Variants in SLC24A2 observed in about 807,000 individuals in gnomAD.
The protein encoded by SLC24A2 is solute carrier family 24 member 2, also known as sodium/potassium/calcium exchanger 2.
In SLC24A2, 36 loss-of-function variants were observed where a neutral mutation model predicts 62.0. That is an observed-to-expected ratio of 0.58 (90% CI 0.44 to 0.77). The LOEUF (loss-of-function observed/expected upper bound fraction) is 0.77, where lower values mean the gene tolerates loss of function less well. Ranked by LOEUF, SLC24A2 falls within the 30% of genes least tolerant of loss-of-function variation. SLC24A2 has a pLI of 0.00. For synonymous variants in SLC24A2, 358 were observed against 294.0 expected (o/e 1.22, Z -2.23); for missense variants, 846 against 817.9 (o/e 1.03, Z -0.42).
At chr9:20,112,663 G>A in the SLC24A2 span, among the ~76,000 whole-genome samples, 1 of 152,064 alleles carries the variant, frequency 6.6e-6, no homozygotes, top group Admixed American at 6.6e-5. Context: ...CTGCCTAGAT[G>A]GACATTCTGT....
intron 8 of SLC24A2, among the ~76,000 whole-genome samples, chr9:19,529,253 C>T (rs952330413): frequency 3.3e-5 from 5 of 152,108 alleles, no homozygotes; most frequent in Admixed American, 6.5e-5. Context: ...CTCAATTGTC[C>T]GAAAGGCTGA....
chr9:19,935,842 G>T, the SLC24A2 span, among the ~76,000 whole-genome samples: 1 of 152,158 alleles, frequency 6.6e-6, no homozygotes, highest in African/African-American at 2.4e-5. Flanking sequence ...CCCACTGACT[G>T]AAGTCAACCC....
chr9:19,678,801 G>A (rs1364376008), intron 2 of SLC24A2, among the ~76,000 whole-genome samples: 1 of 152,136 alleles, frequency 6.6e-6, no homozygotes, highest in East Asian at 1.9e-4. Flanking sequence ...GACAATAATG[G>A]GTTTCTTCTA....
At chr9:20,281,832 T>C in the SLC24A2 span, among the ~76,000 whole-genome samples, 134 of 152,314 alleles carry the variant, frequency 8.8e-4, no homozygotes, top group African/African-American at 2.0e-3. Context: ...CTGGGGAAAA[T>C]TGATATCTCT....
intron 2 of SLC24A2, among the ~76,000 whole-genome samples, chr9:19,729,628 T>C (rs1386303022): frequency 6.6e-6 from 1 of 152,038 alleles, no homozygotes; most frequent in Non-Finnish European, 1.5e-5. Flanking sequence ...AAACAGCACA[T>C]GTTCTCACGC....
the SLC24A2 span, among the ~76,000 whole-genome samples, chr9:20,264,904 C>T: frequency 1.4e-4 from 22 of 152,276 alleles, no homozygotes; most frequent in East Asian, 5.8e-4. Flanking sequence ...GAGTTCAAGA[C>T]GGCTCAGGAG....
chr9:19,690,717 G>T (rs1471661025), intron 2 of SLC24A2, among the ~76,000 whole-genome samples: 11 of 151,718 alleles, frequency 7.3e-5, no homozygotes, highest in African/African-American at 2.2e-4. Context: ...TTTCCTTTTT[G>T]CATAAATGAA....
rs1832595214 is a variant in SLC24A2, at chr9:19,508,590, T to G, written c.*7563A>C. 6.6e-6 allele frequency: 1 copy of G among 152,100 alleles called. No homozygotes were observed. Among genetic ancestry groups the G allele is most frequent in the African/African-American group, 2.4e-5 (1 of 41,410 alleles). 9.4% of individuals were successfully genotyped at this position (152,100 alleles called of 1,614,324 possible). ...GGAGGATCTCTTGAGCCCAGGAGTT[T>G]GAGACCAGCCTGGGTAACATAGTGA... is the stretch of plus-strand genomic sequence containing the variant. On this transcript the variant is annotated 3_prime_UTR_variant, in exon 11 of 11. Transcript: ENST00000341998.
chr9:19,969,156 T>C, the SLC24A2 span, among the ~76,000 whole-genome samples: 2 of 142,552 alleles, frequency 1.4e-5, no homozygotes, highest in Non-Finnish European at 1.5e-5. Flanking sequence ...GGGAATTCCC[T>C]AACCTCTGCG....
At chr9:19,532,510 AT>A (rs1833758496) in intron 8 of SLC24A2, among the ~76,000 whole-genome samples, 1 of 152,266 alleles carries the variant, frequency 6.6e-6, no homozygotes, top group African/African-American at 2.4e-5. Context: ...TTGTATTAAA[AT>A]TTTTTTCCTG....
chr9:19,593,462 G>A (rs1233748151), intron 5 of SLC24A2, among the ~76,000 whole-genome samples: 3 of 152,164 alleles, frequency 2.0e-5, no homozygotes, highest in African/African-American at 7.2e-5. Flanking sequence ...GGGAGACAGG[G>A]GAGGGGGAAA....
chr9:19,978,984 C>T, the SLC24A2 span, among the ~76,000 whole-genome samples: 1 of 152,068 alleles, frequency 6.6e-6, no homozygotes, highest in African/African-American at 2.4e-5. Context: ...CAGACATGCT[C>T]GATGTGCTTG....
At chr9:19,576,640 A>G (rs1048752257) in intron 6 of SLC24A2, among the ~76,000 whole-genome samples, 2 of 152,180 alleles carry the variant, frequency 1.3e-5, no homozygotes, top group African/African-American at 2.4e-5. Context: ...GTGATTTTCT[A>G]TTCTTGAATG....
intron 2 of SLC24A2, among the ~76,000 whole-genome samples, chr9:19,678,193 A>T (rs1177263162): frequency 6.6e-6 from 1 of 152,232 alleles, no homozygotes; most frequent in Non-Finnish European, 1.5e-5. Flanking sequence ...GGTGCTTAAT[A>T]ACGGAAGCCC....
the SLC24A2 span, among the ~76,000 whole-genome samples, chr9:19,942,934 G>A: frequency 1.3e-5 from 2 of 152,122 alleles, no homozygotes; most frequent in Non-Finnish European, 2.9e-5. Flanking sequence ...GAATGACCCC[G>A]AATGAACATT....
chr9:20,129,806 A>T, the SLC24A2 span, among the ~76,000 whole-genome samples: 8 of 152,104 alleles, frequency 5.3e-5, no homozygotes, highest in Non-Finnish European at 1.2e-4. Flanking sequence ...CTGCTTGAAG[A>T]GTGAAAGGCT....
chr9:19,873,424 TTCTC>T, the SLC24A2 span, among the ~76,000 whole-genome samples: 1 of 150,014 alleles, frequency 6.7e-6, no homozygotes, highest in South Asian at 2.1e-4. Flanking sequence ...TTCTTTCTCT[TTCTC>T]TCTCTCCTTC....
rs142003321 is a variant in SLC24A2, at chr9:19,730,682, C to G, written c.930+55255G>C. Among the ~76,000 whole-genome samples the G allele has an allele frequency of 2.0e-3, 302 of 152,166 alleles. 1 individual carries two copies. The highest frequency in any genetic ancestry group is 7.0e-3 in the African/African-American group (289 of 41,524). On this transcript the variant is annotated intron_variant, in intron 2 of 10. Coordinates refer to ENST00000341998, the MANE Select transcript of SLC24A2 (RefSeq NM_020344.4). ...TAGAATACACACATATGTATATTGA[C>G]AATGGTTTTCATCCCTTTATTGCCT...
At chr9:19,727,475 T>G (rs1821204730) in intron 2 of SLC24A2, among the ~76,000 whole-genome samples, 1 of 152,150 alleles carries the variant, frequency 6.6e-6, no homozygotes, top group Non-Finnish European at 1.5e-5. Flanking sequence ...GTTATTTATT[T>G]TGTACTGTCT....
Sources: gnomAD v4.1 joint callset for allele counts (sites outside exome capture counted in the v4.1 genomes callset) on GRCh38, gnomAD v4.1.1 for gene constraint, MANE v1.5 for transcripts, NCBI Gene and HGNC (gene_info 2026-07-23, HGNC 2026-07-21) for gene names.